Variants in DLC1 observed in about 807,000 individuals in gnomAD.
The protein encoded by DLC1 is rho GTPase-activating protein 7.
A neutral mutation model predicts 140.3 loss-of-function variants in DLC1; 54 were observed. The observed-to-expected ratio is 0.38, with a 90% CI of 0.31 to 0.48. The LOEUF (loss-of-function observed/expected upper bound fraction) is 0.48, where lower values mean the gene tolerates loss of function less well. Among genes scored for constraint, DLC1 ranks in the 20% least tolerant of loss-of-function variants. The pLI, the probability that DLC1 is intolerant of heterozygous loss-of-function variation, is 0.96. For missense variants in DLC1, 2,536 were observed against 1,907.0 expected, an observed-to-expected ratio of 1.33 and a Z score of -6.14; for synonymous variants, 986 against 728.1, an observed-to-expected ratio of 1.35 and a Z score of -5.70.
intron 4 of DLC1, among the ~76,000 whole-genome samples, chr8:13,324,718 T>G (rs1037564): frequency 6.6e-6 from 1 of 152,212 alleles, no homozygotes; most frequent in Non-Finnish European, 1.5e-5. Context: ...AATATAAAAT[T>G]TAAGTTACTT....
At chr8:13,441,435 A>G (rs966432272) in intron 2 of DLC1, among the ~76,000 whole-genome samples, 2 of 152,188 alleles carry the variant, frequency 1.3e-5, no homozygotes, top group Admixed American at 1.3e-4. Flanking sequence ...GTTTGCAGAC[A>G]ACATGATTGT....
At chr8:13,167,768 C>G (rs780544813) in intron 5 of DLC1, among the ~76,000 whole-genome samples, 1 of 152,190 alleles carries the variant, frequency 6.6e-6, no homozygotes, top group Non-Finnish European at 1.5e-5. Flanking sequence ...TACAGTCTTG[C>G]AAATGGCATT....
intron 4 of DLC1, among the ~76,000 whole-genome samples, chr8:13,318,901 T>C (rs370022635): frequency 4.6e-5 from 7 of 152,114 alleles, no homozygotes; most frequent in Admixed American, 1.3e-4. Flanking sequence ...CACTAGAAAG[T>C]GTTTATACAC....
At chr8:13,285,603 C>A (rs1406828326) in intron 5 of DLC1, among the ~76,000 whole-genome samples, 1 of 152,090 alleles carries the variant, frequency 6.6e-6, no homozygotes, top group Non-Finnish European at 1.5e-5. Context: ...AAATTAAAGA[C>A]ATATGGAGAT....
At chr8:13,581,909 A>T (rs1351037979) in intron 1 of DLC1, among the ~76,000 whole-genome samples, 2 of 152,176 alleles carry the variant, frequency 1.3e-5, no homozygotes, top group Non-Finnish European at 2.9e-5. Flanking sequence ...TCCACGCATC[A>T]AAGGCAGCTA....
chr8:13,546,526 C>T (rs1351138284), intron 1 of DLC1, among the ~76,000 whole-genome samples: 1 of 152,106 alleles, frequency 6.6e-6, no homozygotes, highest in Non-Finnish European at 1.5e-5. Flanking sequence ...TTGAAGTCAC[C>T]TTCCAGATGT....
At chr8:13,546,214 C>G (rs1354770838) in intron 1 of DLC1, among the ~76,000 whole-genome samples, 1 of 151,978 alleles carries the variant, frequency 6.6e-6, no homozygotes, top group Non-Finnish European at 1.5e-5. Flanking sequence ...AATCACAGAC[C>G]ACTATAAATT....
rs33946205 is a variant in DLC1, at chr8:13,306,558, T to TTGTG, written c.1315-1260_1315-1257dup. Among the ~76,000 whole-genome samples, 77 of 142,944 alleles carry TTGTG rather than the reference T, an allele frequency of 5.4e-4. No homozygotes were observed. The East Asian group carries it at 0.012, about 22-fold the overall frequency. The allele number at this position is 142,944 out of a possible 152,430, so 93.8% of individuals were successfully genotyped here. On this transcript the variant is annotated intron_variant, in intron 4 of 17. Transcript: ENST00000276297. ...AATGGGTATTTGTGTGTGTGTGTGTTTGTGTGTGTGTGTGTGTGTGTGTGT... is the reference window on the plus strand; with the variant it reads ...AATGGGTATTTGTGTGTGTGTGTGTTTGTGTGTGTGTGTGTGTGTGTGTGTGTGT...
chr8:13,155,730 T>C (rs1442866584), intron 5 of DLC1, among the ~76,000 whole-genome samples: 6 of 152,162 alleles, frequency 3.9e-5, no homozygotes, highest in African/African-American at 1.4e-4. Flanking sequence ...TGCTAAATAT[T>C]ACTTATTAAT....
intron 1 of DLC1, among the ~76,000 whole-genome samples, chr8:13,545,700 A>G (rs1281329024): frequency 2.0e-5 from 3 of 152,128 alleles, no homozygotes; most frequent in African/African-American, 7.2e-5. Flanking sequence ...GAATATTAGA[A>G]TTCTACACCT....
chr8:13,136,768 C>G (rs918122520), intron 5 of DLC1, among the ~76,000 whole-genome samples: 1 of 152,294 alleles, frequency 6.6e-6, no homozygotes, highest in Non-Finnish European at 1.5e-5. Context: ...CTCCTGGGCT[C>G]AAGTAGTCCG....
chr8:13,265,389 T>C (rs1375522400), intron 5 of DLC1, among the ~76,000 whole-genome samples: 1 of 152,132 alleles, frequency 6.6e-6, no homozygotes, highest in African/African-American at 2.4e-5. Context: ...TGGGAGTATG[T>C]GTGGGTAGGT....
chr8:13,303,296 G>C (rs79689629), intron 5 of DLC1, among the ~76,000 whole-genome samples: 3 of 152,080 alleles, frequency 2.0e-5, no homozygotes, highest in African/African-American at 7.2e-5. Context: ...GGCCTGTGGA[G>C]ATCACATATG....
intron 2 of DLC1, among the ~76,000 whole-genome samples, chr8:13,450,280 C>G (rs1394283837): frequency 6.6e-6 from 1 of 151,464 alleles, no homozygotes. Flanking sequence ...CATGGTGAAA[C>G]GCTGTCTCTA....
chr8:13,354,725 G>C (rs1834839881), intron 4 of DLC1, among the ~76,000 whole-genome samples: 1 of 150,924 alleles, frequency 6.6e-6, no homozygotes, highest in Non-Finnish European at 1.5e-5. Flanking sequence ...TGGGTGGATT[G>C]CTTGAGCACA....
rs555375875 is a variant in DLC1 at position 13,566,753 on chromosome 8, G to C, written c.-126+37784C>G. ...CAAAATCGCCAACCCGGCGCAAGCA[G>C]CGCAAGCGCAGTGGGCGCTGGGGAG... On this transcript the variant is annotated intron_variant, in intron 1 of 1. Transcript: ENST00000631382. 7.6e-6 allele frequency: 4 copies of C among 525,302 alleles called. No homozygotes were observed. In the Admixed American group the frequency reaches 1.1e-4, roughly 15 times the overall value. 32.5% of individuals were successfully genotyped at this position (525,302 alleles called of 1,614,324 possible).
intron 4 of DLC1, among the ~76,000 whole-genome samples, chr8:13,378,743 C>T (rs1836112032): frequency 1.3e-5 from 2 of 152,058 alleles, no homozygotes; most frequent in African/African-American, 4.8e-5. Context: ...CGTTATGTGC[C>T]TAACTTATTA....
At chr8:13,292,632 T>TC (rs1831799620) in intron 5 of DLC1, among the ~76,000 whole-genome samples, 2 of 152,034 alleles carry the variant, frequency 1.3e-5, no homozygotes, top group Admixed American at 6.6e-5. Flanking sequence ...AAATAATACT[T>TC]TAAAAAAAAA....
intron 2 of DLC1, among the ~76,000 whole-genome samples, chr8:13,462,467 G>A (rs1273739938): frequency 2.0e-5 from 3 of 150,164 alleles, no homozygotes; most frequent in Admixed American, 1.3e-4. Flanking sequence ...GCAGTGGCGC[G>A]ATCTTGGCTC....
Sources: gnomAD v4.1 joint callset for allele counts (sites outside exome capture counted in the v4.1 genomes callset) on GRCh38, gnomAD v4.1.1 for gene constraint, MANE v1.5 for transcripts, NCBI Gene and HGNC (gene_info 2026-07-23, HGNC 2026-07-21) for gene names.